Variants in SLC2A9 observed in about 807,000 individuals in gnomAD.
SLC2A9 encodes solute carrier family 2, facilitated glucose transporter member 9.
Under a neutral mutation model 50.6 loss-of-function variants are expected in SLC2A9, and 39 were observed. The ratio of observed to expected loss-of-function variants is 0.77; its 90% CI spans 0.60 to 1.01. The LOEUF is 1.01. Ranked by LOEUF, SLC2A9 falls within the 50% of genes least tolerant of loss-of-function variation. The probability of loss-of-function intolerance (pLI) is 0.00; values close to 1 mark genes in which losing one functional copy is unlikely to be tolerated. For synonymous variants in SLC2A9, 324 were observed against 276.9 expected, an observed-to-expected ratio of 1.17 and a Z score of -1.69; for missense variants, 686 against 677.6, an observed-to-expected ratio of 1.01 and a Z score of -0.14.
chr4:9,813,665 C>T (rs1723170011), intron 3 of SLC2A9, among the ~76,000 whole-genome samples: 1 of 152,180 alleles, frequency 6.6e-6, no homozygotes. Context: ...AAAATAATCA[C>T]AACAATCCTA....
At chr4:10,032,299 G>C (rs949413675) in intron 1 of SLC2A9, among the ~76,000 whole-genome samples, 3 of 152,134 alleles carry the variant, frequency 2.0e-5, no homozygotes, top group African/African-American at 7.2e-5. Flanking sequence ...GTTGTGGGTT[G>C]GGTGGGGGTC....
chr4:9,858,030 T>C (rs544122955), intron 10 of SLC2A9, among the ~76,000 whole-genome samples: 4 of 152,218 alleles, frequency 2.6e-5, no homozygotes, highest in Non-Finnish European at 4.4e-5. Context: ...AGTCAGCAAA[T>C]CAGAGCAGTT....
intron 1 of SLC2A9, among the ~76,000 whole-genome samples, chr4:10,038,349 A>T: frequency 6.6e-6 from 1 of 151,866 alleles, no homozygotes; most frequent in Non-Finnish European, 1.5e-5. Flanking sequence ...CTCTACTAAA[A>T]ATGCAAAAAT....
At chr4:9,796,227 C>G (rs1182823525), downstream of SLC2A9, among the ~76,000 whole-genome samples, 1 of 152,138 alleles carries the variant, frequency 6.6e-6, no homozygotes, top group African/African-American at 2.4e-5. Flanking sequence ...TTTTGAGCAG[C>G]CCTCATGAAC....
chr4:10,039,357 C>A (rs1287402410), intron 1 of SLC2A9, among the ~76,000 whole-genome samples: 1 of 152,178 alleles, frequency 6.6e-6, no homozygotes, highest in Non-Finnish European at 1.5e-5. Flanking sequence ...TGCTCAACAG[C>A]AGATAGTGCA....
At chr4:9,908,804 T>A (rs1455643970) in intron 7 of SLC2A9, among the ~76,000 whole-genome samples, 2 of 152,136 alleles carry the variant, frequency 1.3e-5, no homozygotes, top group Admixed American at 1.3e-4. Flanking sequence ...CAGCCAAGTG[T>A]GGCAGCGAGA....
At chr4:9,816,840 C>G (rs563401562) in intron 3 of SLC2A9, among the ~76,000 whole-genome samples, 1 of 104,384 alleles carries the variant, frequency 9.6e-6, no homozygotes, top group Non-Finnish European at 2.5e-5. Context: ...AACGATGACA[C>G]GCACATACAC....
In SLC2A9 at chr4:9,826,550, T is replaced by C; in HGVS notation, c.1470A>G (p.Thr490=). Residue 490 remains threonine (T), a synonymous_variant, in exon 12 of 12, where the codon ACA becomes ACG. Transcript: ENST00000264784. ...GCACAAAATACAGGTAGATAGCACC[T>C]GTGATACAAATTGTAGCAAAGACTA... ...CFLVFATICI[T]GAIYLYFVLP... is the part of the protein sequence containing the mutation. 2 of 1,613,646 alleles carry C rather than the reference T, an allele frequency of 1.2e-6. No homozygotes were observed. Among genetic ancestry groups the C allele is most frequent in the Non-Finnish European group, 1.7e-6 (2 of 1,179,746 alleles).
chr4:9,799,701 C>CCA (rs1553813273), intron 3 of SLC2A9, among the ~76,000 whole-genome samples: 20 of 33,734 alleles, frequency 5.9e-4, no homozygotes, highest in African/African-American at 1.2e-3. Context: ...TACCCCCCCC[C>CCA]CACCCAACTT....
rs115809052 is a variant in SLC2A9 at position 9,996,979 on chromosome 4, T to C, written c.250-38A>G. On this transcript the variant is annotated intron_variant, in intron 2 of 11. Transcript: ENST00000264784. Reference sequence around the variant, plus strand: ...AACAAACCATGTTATTTCCTTCTGTTCTCTCCTGCTGCTTGAAGCAAGCCA... The same window carrying C: ...AACAAACCATGTTATTTCCTTCTGTCCTCTCCTGCTGCTTGAAGCAAGCCA... The C allele has an allele frequency of 1.2e-3, 2,002 of 1,611,868 alleles. 14 individuals carry two copies. The African/African-American group carries it at 0.024, about 19-fold the overall frequency.
chr4:9,947,472 GT>G (rs1195957988), intron 5 of SLC2A9, among the ~76,000 whole-genome samples: 1 of 152,194 alleles, frequency 6.6e-6, no homozygotes, highest in Non-Finnish European at 1.5e-5. Context: ...CATGAGGTTA[GT>G]GTATTAATAT....
At chr4:9,860,498 C>T (rs138280664) in intron 10 of SLC2A9, among the ~76,000 whole-genome samples, 5 of 152,322 alleles carry the variant, frequency 3.3e-5, no homozygotes, top group Non-Finnish European at 5.9e-5. Context: ...AGTAAACAAA[C>T]GAACAGGTGA....
downstream of SLC2A9, among the ~76,000 whole-genome samples, chr4:9,794,846 G>A (rs1405823358): frequency 2.0e-5 from 3 of 152,040 alleles, no homozygotes; most frequent in Non-Finnish European, 4.4e-5. Flanking sequence ...TTGGACTCAC[G>A]TTTAAAGTGC....
chr4:9,934,322 A>T (rs1226919991), intron 6 of SLC2A9, among the ~76,000 whole-genome samples: 1 of 152,262 alleles, frequency 6.6e-6, no homozygotes, highest in Non-Finnish European at 1.5e-5. Flanking sequence ...CTATGTGTCT[A>T]TCGGGACCAC....
intron 6 of SLC2A9, among the ~76,000 whole-genome samples, chr4:9,926,207 C>T (rs1361516138): frequency 6.6e-5 from 10 of 151,770 alleles, no homozygotes; most frequent in Admixed American, 6.6e-4. Flanking sequence ...CTGGAGAAAC[C>T]TGGGCTTCAC....
chr4:9,977,120 T>C (rs1343450245), intron 5 of SLC2A9, among the ~76,000 whole-genome samples: 2 of 152,042 alleles, frequency 1.3e-5, no homozygotes, highest in Non-Finnish European at 1.5e-5. Flanking sequence ...TCCAATCCTT[T>C]CTCCATGCTG....
intron 10 of SLC2A9, among the ~76,000 whole-genome samples, chr4:9,884,489 C>A (rs1735817084): frequency 6.6e-6 from 1 of 151,714 alleles, no homozygotes; most frequent in African/African-American, 2.4e-5. Flanking sequence ...GATACAAGAC[C>A]ATTTTTTGGA....
intron 4 of SLC2A9, 36 bp downstream of exon 4, chr4:9,985,633 T>A (rs776183552): frequency 6.2e-7 from 1 of 1,613,686 alleles, no homozygotes; most frequent in Admixed American, 1.7e-5. Context: ...CCAAGGAGTA[T>A]GTTACTGTTC....
intron 3 of SLC2A9, among the ~76,000 whole-genome samples, chr4:9,803,987 C>T (rs1325935473): frequency 1.3e-5 from 2 of 152,132 alleles, no homozygotes; most frequent in East Asian, 3.8e-4. Context: ...TCCCTGTCTT[C>T]CAACAAAATA....
Sources: gnomAD v4.1 joint callset for allele counts (sites outside exome capture counted in the v4.1 genomes callset) on GRCh38, gnomAD v4.1.1 for gene constraint, MANE v1.5 for transcripts, NCBI Gene and HGNC (gene_info 2026-07-23, HGNC 2026-07-21) for gene names.